MACROD2: variants seen among roughly 807,000 people sequenced by gnomAD.
MACROD2 encodes ADP-ribose glycohydrolase MACROD2.
Under a neutral mutation model 70.4 loss-of-function variants are expected in MACROD2, and 36 were observed. The ratio of observed to expected loss-of-function variants is 0.51; its 90% CI spans 0.39 to 0.68. MACROD2 has a LOEUF of 0.68. Among genes scored for constraint, MACROD2 ranks in the 30% least tolerant of loss-of-function variants. The pLI, the probability that MACROD2 is intolerant of heterozygous loss-of-function variation, is 0.00. For missense variants in MACROD2, 496 were observed against 538.4 expected (o/e 0.92, Z 0.78); for synonymous variants, 172 against 178.8 (o/e 0.96, Z 0.30).
At chr20:14,219,848 C>T (rs1260900361) in intron 3 of MACROD2, among the ~76,000 whole-genome samples, 1 of 152,160 alleles carries the variant, frequency 6.6e-6, no homozygotes, top group Non-Finnish European at 1.5e-5. Flanking sequence ...GGTATTGGCA[C>T]TTGTCTGCAC....
chr20:14,132,142 A>G (rs1569172429), intron 3 of MACROD2, among the ~76,000 whole-genome samples: 1 of 151,186 alleles, frequency 6.6e-6, no homozygotes, highest in Non-Finnish European at 1.5e-5. Flanking sequence ...AAAAAAAAAA[A>G]AAAAAAGATT....
At chr20:14,021,710 A>G (rs926200682) in intron 2 of MACROD2, among the ~76,000 whole-genome samples, 1 of 152,198 alleles carries the variant, frequency 6.6e-6, no homozygotes, top group Non-Finnish European at 1.5e-5. Flanking sequence ...TGATATAACA[A>G]ACCCTCAAGT....
chr20:15,233,390 G>GA (rs892662849), intron 6 of MACROD2, among the ~76,000 whole-genome samples: 40 of 152,002 alleles, frequency 2.6e-4, no homozygotes, highest in Admixed American at 7.2e-4. Context: ...GAGAAAAACA[G>GA]AAAAAAGAGT....
At chr20:14,684,397 C>A (rs555457162) in intron 4 of MACROD2, among the ~76,000 whole-genome samples, 5 of 152,070 alleles carry the variant, frequency 3.3e-5, no homozygotes, top group African/African-American at 9.7e-5. Context: ...TGACTTTTTT[C>A]TTCTCTAACC....
chr20:15,416,623 G>T (rs750484815), intron 6 of MACROD2, among the ~76,000 whole-genome samples: 163 of 152,164 alleles, frequency 1.1e-3, no homozygotes, highest in Non-Finnish European at 1.0e-3. Context: ...TGGCTGTATT[G>T]GCTGGGCAAG....
At chr20:15,754,683 C>CTTTTT (rs536927554) in intron 8 of MACROD2, among the ~76,000 whole-genome samples, 3 of 132,764 alleles carry the variant, frequency 2.3e-5, no homozygotes, top group African/African-American at 8.3e-5. Context: ...TCTATTCAAT[C>CTTTTT]TTTTTTTTTT....
chr20:16,018,970 T>G (rs1467823736), intron 15 of MACROD2, among the ~76,000 whole-genome samples: 1 of 152,176 alleles, frequency 6.6e-6, no homozygotes, highest in Non-Finnish European at 1.5e-5. Flanking sequence ...CCCAGAGGCT[T>G]CTCTTCTTTT....
chr20:15,949,660 A>G (rs189395024), intron 12 of MACROD2, among the ~76,000 whole-genome samples: 2 of 152,200 alleles, frequency 1.3e-5, no homozygotes, highest in East Asian at 1.9e-4. Flanking sequence ...GGTGCCTTCC[A>G]TAGATTTTTC....
At chr20:14,712,599 C>T (rs1449874288) in intron 5 of MACROD2, among the ~76,000 whole-genome samples, 1 of 152,156 alleles carries the variant, frequency 6.6e-6, no homozygotes, top group Admixed American at 6.5e-5. Context: ...TATACAAAGT[C>T]TACATATAAA....
chr20:15,218,138 T>C (rs2076827203), intron 5 of MACROD2, among the ~76,000 whole-genome samples: 1 of 152,224 alleles, frequency 6.6e-6, no homozygotes, highest in African/African-American at 2.4e-5. Context: ...TTGTCCCCTT[T>C]CTGCATCTTA....
chr20:15,424,711 C>T (rs1225886169), intron 6 of MACROD2, among the ~76,000 whole-genome samples: 3 of 150,830 alleles, frequency 2.0e-5, no homozygotes, highest in African/African-American at 7.4e-5. Flanking sequence ...CAGAGTGAGA[C>T]CCTGTCTCTG....
intron 3 of MACROD2, among the ~76,000 whole-genome samples, chr20:14,491,453 T>C (rs2084793652): frequency 6.6e-6 from 1 of 152,232 alleles, no homozygotes; most frequent in South Asian, 2.1e-4. Context: ...AAAGTGATTG[T>C]GTACTATGTA....
rs559996304 is a variant in MACROD2, at chr20:15,233,849, T to C, written c.540+3788T>C. On this transcript the variant is annotated intron_variant, in intron 6 of 17. Transcript: ENST00000684519. ...TTGAAAAAATATGACCAATCTTTCA[T>C]GCCTCCTAGACCTAGTCTGTGCAAG... Among the ~76,000 whole-genome samples the C allele has an allele frequency of 3.3e-5, 5 of 150,378 alleles. No individual in the cohort carries two copies. In the East Asian group the frequency reaches 9.7e-4, roughly 29 times the overall value.
intron 7 of MACROD2, among the ~76,000 whole-genome samples, chr20:15,456,645 G>T (rs148935917): frequency 6.6e-6 from 1 of 152,070 alleles, no homozygotes; most frequent in East Asian, 1.9e-4. Context: ...AGCAGCTGCC[G>T]GGGAAGTTGT....
intron 3 of MACROD2, among the ~76,000 whole-genome samples, chr20:14,394,779 G>C (rs537518039): frequency 6.6e-6 from 1 of 152,250 alleles, no homozygotes; most frequent in East Asian, 1.9e-4. Flanking sequence ...TTGCTGAGAA[G>C]TTTTATATTT....
At chr20:15,085,581 A>G (rs2123147200) in intron 5 of MACROD2, among the ~76,000 whole-genome samples, 1 of 152,094 alleles carries the variant, frequency 6.6e-6, no homozygotes, top group African/African-American at 2.4e-5. Context: ...CATGAGGGGG[A>G]CATGGATGGT....
In MACROD2 at chr20:15,986,800, A is replaced by G; in HGVS notation, c.1059A>G (p.Glu353=). Residue 353 remains glutamate (E), a splice_region_variant and synonymous_variant, in exon 14 of 18, where the codon GAA becomes GAG. Coordinates refer to ENST00000684519, the MANE Select transcript of MACROD2 (RefSeq NM_001351661.2). The part of the protein sequence containing the change: ...TESQSSYMET[E]ELSSNQEDAV... ...CGCAGAGCTCATATATGGAAACAGAAGGTACTGAAACCAAAATATATTGTT... is the reference window on the plus strand; with the variant it reads ...CGCAGAGCTCATATATGGAAACAGAGGGTACTGAAACCAAAATATATTGTT... The G allele has an allele frequency of 6.2e-7, 1 of 1,610,768 alleles. No homozygotes were observed. The highest frequency in any genetic ancestry group is 8.5e-7 in the Non-Finnish European group (1 of 1,177,602).
At chr20:15,205,859 G>C (rs1267924019) in intron 5 of MACROD2, among the ~76,000 whole-genome samples, 2 of 152,222 alleles carry the variant, frequency 1.3e-5, no homozygotes, top group Non-Finnish European at 2.9e-5. Flanking sequence ...GAGTGGCAAG[G>C]CCACATTGCC....
chr20:14,870,143 C>T (rs538974132), intron 5 of MACROD2, among the ~76,000 whole-genome samples: 1 of 152,218 alleles, frequency 6.6e-6, no homozygotes, highest in Admixed American at 6.5e-5. Flanking sequence ...TGTTGTTTCT[C>T]TCTTTGTGTC....
Sources: gnomAD v4.1 joint callset for allele counts (sites outside exome capture counted in the v4.1 genomes callset) on GRCh38, gnomAD v4.1.1 for gene constraint, MANE v1.5 for transcripts, NCBI Gene and HGNC (gene_info 2026-07-23, HGNC 2026-07-21) for gene names.